Variants in PHKA2 observed in about 807,000 individuals in gnomAD.
The protein encoded by PHKA2 is phosphorylase b kinase regulatory subunit alpha, liver isoform.
A neutral mutation model predicts 102.0 loss-of-function variants in PHKA2; 31 were observed. The ratio of observed to expected loss-of-function variants is 0.30; its 90% CI spans 0.23 to 0.41. PHKA2 has a LOEUF of 0.41. Among genes scored for constraint, PHKA2 ranks in the 10% least tolerant of loss-of-function variants. The pLI is 1.00. For missense variants in PHKA2, 858 were observed against 1,023.1 expected (o/e 0.84, Z 2.20); for synonymous variants, 455 against 416.2 (o/e 1.09, Z -1.13).
intron 5 of PHKA2, 44 bp from the exon 6 acceptor site, chrX:18,945,202 A>C (rs943675265): frequency 1.2e-6 from 1 of 835,451 alleles, no homozygotes; most frequent in Non-Finnish European, 1.8e-6. Flanking sequence ...AAAGAGGTAT[A>C]TAAGAAGTGC....
At chrX:18,915,902 A>C (rs2048012504) in intron 19 of PHKA2, among the ~76,000 whole-genome samples, 1 of 111,545 alleles carries the variant, frequency 9.0e-6, no homozygotes, top group African/African-American at 3.3e-5. Context: ...AAGAACAGAG[A>C]AAATGTTGGG....
chrX:18,896,978 T>C (rs1285134771), intron 30 of PHKA2, among the ~76,000 whole-genome samples, 185 bp downstream of exon 30: 1 of 111,631 alleles, frequency 9.0e-6, no homozygotes, highest in Non-Finnish European at 1.9e-5. Flanking sequence ...AGGCCAGGGA[T>C]GCTGTAGACA....
chrX:18,932,696 G>A (rs908771890), intron 11 of PHKA2, among the ~76,000 whole-genome samples: 30 of 111,294 alleles, frequency 2.7e-4, no homozygotes, highest in Non-Finnish European at 1.7e-4. Context: ...TAATCTTTGG[G>A]TGGTAGAATT....
rs2047832592 is a variant in PHKA2, at chrX:18,907,053, G to T, written c.2562C>A (p.Gly854=). The T allele has an allele frequency of 8.4e-7, 1 of 1,195,141 alleles. No homozygotes were observed. Among genetic ancestry groups the T allele is most frequent in the East Asian group, 3.0e-5 (1 of 33,077 alleles). Residue 854 remains glycine, a synonymous_variant, in exon 23 of 33, where the codon GGC becomes GGA. Transcript: ENST00000379942. ...LLSHQKQLTV[G]LPPEPREKII... is the part of the protein sequence containing the mutation. ...TCTTCTCCCGGGGCTCGGGCGGCAGGCCCACGGTGAGCTGCTTCTGGTGCG... is the reference window on the plus strand; with the variant it reads ...TCTTCTCCCGGGGCTCGGGCGGCAGTCCCACGGTGAGCTGCTTCTGGTGCG...
chrX:18,975,431 T>C (rs1601806515), intron 1 of PHKA2, among the ~76,000 whole-genome samples: 8 of 112,004 alleles, frequency 7.1e-5, no homozygotes, highest in African/African-American at 2.3e-4. Flanking sequence ...CACGTGGAAC[T>C]GTAAGTCCAA....
chrX:18,953,157 G>A (rs2048724815), intron 2 of PHKA2, among the ~76,000 whole-genome samples: 1 of 112,208 alleles, frequency 8.9e-6, no homozygotes, highest in Non-Finnish European at 1.9e-5. Flanking sequence ...AATCCCAAGG[G>A]CTCTCATGCC....
At chrX:18,967,389 T>C (rs957317764) in intron 1 of PHKA2, among the ~76,000 whole-genome samples, 4 of 111,079 alleles carry the variant, frequency 3.6e-5, no homozygotes, top group Non-Finnish European at 1.9e-5. Context: ...AAGAGGAAAG[T>C]AGTGTAGTCT....
chrX:18,908,146 G>GAGAGCCCAAGT, intron 21 of PHKA2, 90 bp from the exon 22 acceptor site: 1 of 901,171 alleles, frequency 1.1e-6, no homozygotes, highest in Non-Finnish European at 1.6e-6. Context: ...ACAGCACTTG[G>GAGAGCCCAAGT]GCTCTCCCAG....
Position 18,893,411 on chromosome X carries a change from G to C in PHKA2, c.*74C>G. The C allele has an allele frequency of 9.7e-7, 1 of 1,028,304 alleles. No homozygotes were observed. The highest frequency in any genetic ancestry group is 1.9e-5 in the South Asian group (1 of 53,116). 84.7% of individuals were successfully genotyped at this position (1,028,304 alleles called of 1,213,427 possible). On this transcript the variant is annotated 3_prime_UTR_variant, in exon 33 of 33. Coordinates refer to ENST00000379942, the MANE Select transcript of PHKA2 (RefSeq NM_000292.3). The stretch of plus-strand genomic sequence containing the variant: ...TTCCTGATAGCACAGGGGATCTTGG[G>C]GGACAGAAGGTTCCCAGTAAGGCTA...
At chrX:18,900,595 A>T in intron 28 of PHKA2, 75 bp downstream of exon 28, 1 of 938,678 alleles carries the variant, frequency 1.1e-6, no homozygotes. Context: ...CACGCTGCGG[A>T]GTCACAGCCT....
chrX:18,935,247 T>C (rs1190595065), intron 11 of PHKA2, among the ~76,000 whole-genome samples: 4 of 112,297 alleles, frequency 3.6e-5, no homozygotes, highest in South Asian at 3.6e-4. Flanking sequence ...CATGACCCAA[T>C]TTAGGAAACT....
chrX:18,965,712 C>T (rs2048931382), intron 1 of PHKA2, among the ~76,000 whole-genome samples: 1 of 111,049 alleles, frequency 9.0e-6, no homozygotes, highest in Non-Finnish European at 1.9e-5. Flanking sequence ...TCAAATGGAT[C>T]TGTAACCCAT....
chrX:18,946,675 C>CTGGGA (rs1486711332), intron 5 of PHKA2, among the ~76,000 whole-genome samples: 16 of 110,313 alleles, frequency 1.5e-4, no homozygotes, highest in African/African-American at 5.3e-4. Context: ...AGAGCCTGTT[C>CTGGGA]CTGCCTCTGG....
intron 22 of PHKA2, among the ~76,000 whole-genome samples, chrX:18,907,353 C>T (rs752281793): frequency 2.0e-4 from 22 of 112,495 alleles, no homozygotes; most frequent in Non-Finnish European, 3.6e-4. Flanking sequence ...CGTCAGTGGG[C>T]GTTTAATGCC....
intron 19 of PHKA2, among the ~76,000 whole-genome samples, chrX:18,916,057 A>G (rs1043656090): frequency 8.9e-6 from 1 of 112,132 alleles, no homozygotes; most frequent in African/African-American, 3.2e-5. Context: ...AGATGTCAGA[A>G]GCCGGGAGCA....
chrX:18,974,359 C>A (rs1454115499), intron 1 of PHKA2, among the ~76,000 whole-genome samples: 6 of 111,538 alleles, frequency 5.4e-5, no homozygotes, highest in Admixed American at 1.9e-4. Flanking sequence ...TTATACTCCA[C>A]ATAAACTGTC....
intron 9 of PHKA2, among the ~76,000 whole-genome samples, chrX:18,939,477 C>T (rs1199013030): frequency 9.0e-6 from 1 of 111,517 alleles, no homozygotes; most frequent in Non-Finnish European, 1.9e-5. Context: ...TGCACCTGGC[C>T]TACAAGTTGG....
intron 25 of PHKA2, 34 bp from the exon 26 acceptor site, chrX:18,905,893 C>T (rs1413155661): frequency 9.5e-7 from 1 of 1,050,442 alleles, no homozygotes; most frequent in Non-Finnish European, 1.3e-6. Flanking sequence ...GTCCCAAACA[C>T]AGGGCTGGTG....
At chrX:18,904,979 AAC>A (rs1414938278) in intron 26 of PHKA2, among the ~76,000 whole-genome samples, 1 of 111,704 alleles carries the variant, frequency 9.0e-6, no homozygotes, top group East Asian at 2.8e-4. Flanking sequence ...TTCAGATAAA[AAC>A]AGAGTGAGCG....
Sources: gnomAD v4.1 joint callset for allele counts (sites outside exome capture counted in the v4.1 genomes callset) on GRCh38, gnomAD v4.1.1 for gene constraint, MANE v1.5 for transcripts, NCBI Gene and HGNC (gene_info 2026-07-23, HGNC 2026-07-21) for gene names.